Variants in HERC1 observed in about 807,000 individuals in gnomAD.
HERC1 encodes HECT and RLD domain containing E3 ubiquitin protein ligase family member 1, also known as probable E3 ubiquitin-protein ligase HERC1.
In HERC1, 160 loss-of-function variants were observed where a neutral mutation model predicts 554.3. The ratio of observed to expected loss-of-function variants is 0.29; its 90% CI spans 0.25 to 0.33. The LOEUF (loss-of-function observed/expected upper bound fraction) is 0.33, where lower values mean the gene tolerates loss of function less well. Ranked by LOEUF, HERC1 falls within the 10% of genes least tolerant of loss-of-function variation. The pLI, the probability that HERC1 is intolerant of heterozygous loss-of-function variation, is 1.00. For synonymous variants in HERC1, 2,175 were observed against 2,131.7 expected, an observed-to-expected ratio of 1.02 and a Z score of -0.56; for missense variants, 4,919 against 5,918.5, an observed-to-expected ratio of 0.83 and a Z score of 5.54.
In HERC1 at chr15:63,723,224, G is replaced by C. The variant is rs777289562; in HGVS notation, c.3700C>G (p.Arg1234Gly). Residue 1234 changes from arginine to glycine, a missense_variant, in exon 19 of 78, where the codon CGA (arginine) becomes GGA (glycine). Transcript: ENST00000443617. The stretch of plus-strand genomic sequence containing the variant: ...TCCTGCATGCTGATCCAAAGGCTTC[G>C]GGCAGGCTCTTTAGAACAACCCAAT... ...LALGCSKEPARSLWISMQDYA... is the reference protein window; with the variant it reads ...LALGCSKEPAGSLWISMQDYA... 1 of 1,589,318 alleles carries C rather than the reference G, an allele frequency of 6.3e-7. No homozygotes were observed. The highest frequency in any genetic ancestry group is 1.2e-5 in the South Asian group (1 of 86,336).
chr15:63,748,427 C>G (rs1222843507), intron 10 of HERC1, among the ~76,000 whole-genome samples: 2 of 152,128 alleles, frequency 1.3e-5, no homozygotes, highest in African/African-American at 4.8e-5. Context: ...AAGCAGAGGG[C>G]TGAGTCACAT....
chr15:63,703,995 A>G (rs1032100032), intron 25 of HERC1, among the ~76,000 whole-genome samples: 1 of 152,102 alleles, frequency 6.6e-6, no homozygotes, highest in Non-Finnish European at 1.5e-5. Flanking sequence ...TCAAGTCAGA[A>G]TCAGAATACT....
chr15:63,740,265 C>A (rs80029078), intron 12 of HERC1, among the ~76,000 whole-genome samples: 7,658 of 152,226 alleles, frequency 0.05, 260 homozygotes, highest in Non-Finnish European at 0.072. Context: ...CACTACTTCA[C>A]TCCTTTTTAT....
Position 63,642,943 on chromosome 15 carries a change from A to G in HERC1, c.11433+14T>C, listed in dbSNP as rs2069146442. 3 of 1,447,188 alleles carry G rather than the reference A, an allele frequency of 2.1e-6. No individual in the cohort carries two copies. In the African/African-American group the frequency reaches 4.2e-5, roughly 20 times the overall value. The allele number at this position is 1,447,188 out of a possible 1,614,324, so 89.6% of individuals were successfully genotyped here. ...AAGCTTACACCCTATCATTTGATAT[A>G]ACTACAATATTACCTTTGATCTATT... On this transcript the variant is annotated intron_variant, in intron 59 of 77. Coordinates refer to ENST00000443617, the MANE Select transcript of HERC1 (RefSeq NM_003922.4).
rs1278978142 is a variant in HERC1 at position 63,723,196 on chromosome 15, T to C, written c.3728A>G (p.Tyr1243Cys). The change falls in exon 19 of 78, where the codon TAT (tyrosine) becomes TGT (cysteine). Residue 1243 changes from tyrosine to cysteine, a missense_variant. By Grantham distance (194) the Tyr-to-Cys change is radical. Coordinates refer to ENST00000443617, the MANE Select transcript of HERC1 (RefSeq NM_003922.4). ...ARSLWISMQD[Y>C]AVSKDWDSAT... ...CTTTATCTTACCTTTACTAACAGCA[T>C]AGTCCTGCATGCTGATCCAAAGGCT... 6.5e-7 allele frequency: 1 copy of C among 1,535,186 alleles called. No individual in the cohort carries two copies. The highest frequency in any genetic ancestry group is 1.3e-5 in the South Asian group (1 of 77,304).
chr15:63,706,773 C>T lies in HERC1; in HGVS notation c.4636+7G>A, dbSNP rs927150793. 4.6e-6 allele frequency: 7 copies of T among 1,514,820 alleles called. No individual in the cohort carries two copies. The highest frequency in any genetic ancestry group is 6.3e-6 in the Non-Finnish European group (7 of 1,116,602). 93.8% of individuals were successfully genotyped at this position (1,514,820 alleles called of 1,614,324 possible). A position where few individuals can be genotyped will look rare whatever the true frequency, so the allele number is the denominator to read the frequency against. ...ATATTTACTATGTTCTTAATACTTA[C>T]ACTTACCTCTCTTTCTGTGAGATGC... On this transcript the variant is annotated splice_region_variant and intron_variant, in intron 25 of 77. Transcript: ENST00000443617.
At chr15:63,813,033 C>A (rs1156573509) in intron 1 of HERC1, among the ~76,000 whole-genome samples, 2 of 152,110 alleles carry the variant, frequency 1.3e-5, no homozygotes, top group Non-Finnish European at 2.9e-5. Context: ...ACACACCTTA[C>A]CATCAACTTA....
intron 34 of HERC1, 129 bp downstream of exon 34, chr15:63,686,230 A>G (rs2071753572): frequency 7.7e-6 from 5 of 648,358 alleles, no homozygotes; most frequent in Non-Finnish European, 1.3e-5. Context: ...CATTTATATT[A>G]TCTTACATAA....
intron 22 of HERC1, among the ~76,000 whole-genome samples, chr15:63,716,077 T>C (rs2073540070): frequency 6.6e-6 from 1 of 152,214 alleles, no homozygotes; most frequent in Admixed American, 6.5e-5. Flanking sequence ...CTGACATTCC[T>C]GCTTCCAGAG....
chr15:63,677,787 A>G lies in HERC1; in HGVS notation c.7070+58T>C. On this transcript the variant is annotated intron_variant, in intron 37 of 77. Coordinates refer to ENST00000443617, the MANE Select transcript of HERC1 (RefSeq NM_003922.4). The surrounding 1 kb of genome is among the most constrained non-coding windows in gnomAD (Gnocchi z 4.4). ...CATAATTACTCACTGTCGACAGGCA[A>G]TGGCCTATTTCACCATTAAATATTT... The G allele has an allele frequency of 6.4e-7, 1 of 1,554,496 alleles. No individual in the cohort carries two copies. Among genetic ancestry groups the G allele is most frequent in the Non-Finnish European group, 8.7e-7 (1 of 1,149,090 alleles).
intron 1 of HERC1, among the ~76,000 whole-genome samples, chr15:63,790,572 C>A (rs185188278): frequency 1.3e-5 from 2 of 151,074 alleles, no homozygotes; most frequent in Admixed American, 1.3e-4. Flanking sequence ...AGCAAGACTC[C>A]GTCTCAAAAA....
At chr15:63,818,730 T>G (rs1228761534) in intron 1 of HERC1, among the ~76,000 whole-genome samples, 1 of 152,182 alleles carries the variant, frequency 6.6e-6, no homozygotes, top group African/African-American at 2.4e-5. Context: ...ACAAGAGAAA[T>G]GGGACATACT....
rs147886362 is a variant in HERC1, at chr15:63,715,089, C to A, written c.4150+1213G>T. ...AGAGAATGGTCATTGGTGTTTGGGG[C>A]AGACCTGCTTCTAATTCTAGCTGCT... On this transcript the variant is annotated intron_variant, in intron 22 of 77. Transcript: ENST00000443617. Among the ~76,000 whole-genome samples, 4 of 152,234 alleles carry A rather than the reference C, an allele frequency of 2.6e-5. No homozygotes were observed. The East Asian group carries it at 7.7e-4, about 29-fold the overall frequency.
At chr15:63,791,316 G>A (rs918365275) in intron 1 of HERC1, among the ~76,000 whole-genome samples, 1 of 152,054 alleles carries the variant, frequency 6.6e-6, no homozygotes, top group Non-Finnish European at 1.5e-5. Context: ...CATCTCCTTG[G>A]TATATTATGC....
chr15:63,651,038 C>T (rs1344570372), intron 53 of HERC1, among the ~76,000 whole-genome samples: 1 of 152,222 alleles, frequency 6.6e-6, no homozygotes, highest in Non-Finnish European at 1.5e-5. Flanking sequence ...AAGTTTATAA[C>T]TACTAGGTTA....
intron 24 of HERC1, among the ~76,000 whole-genome samples, chr15:63,707,785 T>C (rs2153101131): frequency 6.6e-6 from 1 of 151,786 alleles, no homozygotes; most frequent in South Asian, 2.1e-4. Context: ...AAAAGTTAGC[T>C]GGGTGTGGTA....
rs1433330266 is a variant in HERC1, at chr15:63,725,493, G to A, written c.3367C>T (p.Pro1123Ser). The A allele has an allele frequency of 1.9e-6, 3 of 1,613,708 alleles. No homozygotes were observed. The highest frequency in any genetic ancestry group is 2.5e-6 in the Non-Finnish European group (3 of 1,179,816). Residue 1123 changes from proline to serine, a missense_variant, in exon 18 of 78, where the codon CCT becomes TCT. Physicochemically the swap from Pro to Ser is moderately conservative, Grantham distance 74. Coordinates refer to ENST00000443617, the MANE Select transcript of HERC1 (RefSeq NM_003922.4). Reference protein sequence around the residue: ...PLHGGPELIDPAGLPLPQPAQ... With the variant: ...PLHGGPELIDSAGLPLPQPAQ... ...GGCTGAGGTAATGGCAGACCAGCAG[G>A]ATCAATTAGTTCTGGCCCTCCTAAA...
intron 77 of HERC1, among the ~76,000 whole-genome samples, chr15:63,610,873 G>A (rs1450775522): frequency 6.6e-6 from 1 of 152,212 alleles, no homozygotes; most frequent in African/African-American, 2.4e-5. Flanking sequence ...GAGTGGGGAT[G>A]GAGACAGAGG....
chr15:63,629,740 G>A (rs1342724550), intron 69 of HERC1, among the ~76,000 whole-genome samples: 2 of 152,198 alleles, frequency 1.3e-5, no homozygotes, highest in African/African-American at 2.4e-5. Context: ...TCAAACTGAG[G>A]CTAATATGAA....
Sources: gnomAD v4.1 joint callset for allele counts (sites outside exome capture counted in the v4.1 genomes callset) on GRCh38, gnomAD v4.1.1 for gene constraint, Gnocchi (gnomAD v3.1) non-coding constraint, MANE v1.5 for transcripts, NCBI Gene and HGNC (gene_info 2026-07-23, HGNC 2026-07-21) for gene names.